Variants in UGGT2 observed in about 807,000 individuals in gnomAD.
The protein encoded by UGGT2 is UDP-glucose glycoprotein glucosyltransferase 2.
In UGGT2, 180 loss-of-function variants were observed where a neutral mutation model predicts 192.1. The ratio of observed to expected loss-of-function variants is 0.94; its 90% CI spans 0.83 to 1.06. The LOEUF (loss-of-function observed/expected upper bound fraction) is 1.06, where lower values mean the gene tolerates loss of function less well. UGGT2 is among the 50% of genes least tolerant of loss of function. UGGT2 has a pLI of 0.00. For synonymous variants in UGGT2, 580 were observed against 591.0 expected (o/e 0.98, Z 0.27); for missense variants, 1,849 against 1,795.7 (o/e 1.03, Z -0.54).
At chr13:95,939,035 C>T (rs112913962) in intron 16 of UGGT2, among the ~76,000 whole-genome samples, 11 of 152,094 alleles carry the variant, frequency 7.2e-5, no homozygotes, top group African/African-American at 2.7e-4. Flanking sequence ...TCACTGTTGC[C>T]AAGAGCTTCT....
chr13:96,018,229 A>G (rs572400817), intron 4 of UGGT2, among the ~76,000 whole-genome samples: 57 of 152,318 alleles, frequency 3.7e-4, no homozygotes, highest in African/African-American at 1.4e-3. Context: ...GAAAATGTGA[A>G]TGAAGATCAG....
intron 5 of UGGT2, among the ~76,000 whole-genome samples, chr13:96,004,874 G>A (rs2139034230): frequency 6.6e-6 from 1 of 151,988 alleles, no homozygotes; most frequent in African/African-American, 2.4e-5. Context: ...TTTCTTCAGT[G>A]GACAGATATC....
At chr13:95,843,323 G>T (rs1321903075) in intron 36 of UGGT2, among the ~76,000 whole-genome samples, 1 of 152,134 alleles carries the variant, frequency 6.6e-6, no homozygotes, top group Non-Finnish European at 1.5e-5. Context: ...TCTAATTGGT[G>T]TGTATTCACC....
intron 10 of UGGT2, among the ~76,000 whole-genome samples, chr13:95,981,654 G>A (rs540880851): frequency 6.6e-6 from 1 of 152,216 alleles, no homozygotes; most frequent in South Asian, 2.1e-4. Flanking sequence ...TTTTTTCGGT[G>A]AACATTTTGT....
chr13:96,047,796 T>C (rs1456878545), intron 1 of UGGT2, among the ~76,000 whole-genome samples: 1 of 152,096 alleles, frequency 6.6e-6, no homozygotes, highest in East Asian at 1.9e-4. Context: ...CTATCCTAAA[T>C]ACATATGCAC....
At chr13:96,038,198 T>C (rs1429865285) in intron 1 of UGGT2, among the ~76,000 whole-genome samples, 1 of 152,210 alleles carries the variant, frequency 6.6e-6, no homozygotes, top group Non-Finnish European at 1.5e-5. Context: ...AAAAGTACCT[T>C]TTGTTGAATT....
chr13:95,969,585 C>T (rs1311813238), intron 12 of UGGT2, among the ~76,000 whole-genome samples: 1 of 152,120 alleles, frequency 6.6e-6, no homozygotes, highest in Non-Finnish European at 1.5e-5. Context: ...GTGAAAAGAA[C>T]GTTTCACAGT....
chr13:95,869,426 C>T (rs566251649), intron 29 of UGGT2, among the ~76,000 whole-genome samples: 16 of 152,046 alleles, frequency 1.1e-4, no homozygotes, highest in Admixed American at 2.6e-4. Flanking sequence ...CTGGGTCAAA[C>T]GGTATTTCTA....
intron 20 of UGGT2, among the ~76,000 whole-genome samples, chr13:95,908,979 T>C (rs1283558754): frequency 1.1e-4 from 17 of 148,384 alleles, no homozygotes; most frequent in African/African-American, 3.7e-4. Flanking sequence ...ATTTTGGCTT[T>C]TGTTGCCATT....
At chr13:95,829,349 G>A (rs1886412279) in intron 38 of UGGT2, among the ~76,000 whole-genome samples, 1 of 152,114 alleles carries the variant, frequency 6.6e-6, no homozygotes, top group Admixed American at 6.6e-5. Context: ...GAAATAAAGG[G>A]TATTCAATTA....
In UGGT2 at chr13:95,863,728, CA is replaced by C. The variant is rs1594178887; in HGVS notation, c.3559-15del. The C allele has an allele frequency of 1.3e-6, 2 of 1,596,918 alleles. No individual in the cohort carries two copies. Among genetic ancestry groups the C allele is most frequent in the Non-Finnish European group, 1.7e-6 (2 of 1,166,312 alleles). The stretch of plus-strand genomic sequence containing the variant: ...TTCTTTTTTCACCTAGATAGCATGG[CA>C]AAAAAGATTAGAATTTGGCTGCTTT... On this transcript the variant is annotated splice_polypyrimidine_tract_variant and intron_variant, in intron 30 of 38. Transcript: ENST00000376747.
At chr13:95,938,911 A>G (rs997484662) in intron 16 of UGGT2, among the ~76,000 whole-genome samples, 4 of 152,154 alleles carry the variant, frequency 2.6e-5, no homozygotes, top group Non-Finnish European at 5.9e-5. Context: ...TTCCTAATAC[A>G]TATCACCACA....
chr13:96,005,343 G>GT (rs2051939076), intron 5 of UGGT2, among the ~76,000 whole-genome samples: 1 of 152,156 alleles, frequency 6.6e-6, no homozygotes, highest in South Asian at 2.1e-4. Context: ...GTGGGCTAAC[G>GT]TGAGAGTGTG....
intron 20 of UGGT2, among the ~76,000 whole-genome samples, chr13:95,913,092 A>G (rs913873835): frequency 1.3e-5 from 2 of 152,230 alleles, no homozygotes; most frequent in African/African-American, 4.8e-5. Context: ...TTAATTCAAG[A>G]TGGATTAGAG....
chr13:95,842,001 T>C (rs938848220), intron 36 of UGGT2, among the ~76,000 whole-genome samples: 2 of 152,238 alleles, frequency 1.3e-5, no homozygotes, highest in African/African-American at 2.4e-5. Context: ...AGTAGAGGCA[T>C]AGGCTTATTT....
intron 1 of UGGT2, among the ~76,000 whole-genome samples, chr13:96,048,383 G>C (rs987304181): frequency 6.6e-6 from 1 of 152,094 alleles, no homozygotes; most frequent in Non-Finnish European, 1.5e-5. Context: ...GAGAAAGCAG[G>C]AAAGATCTAA....
At chr13:95,811,324 C>T (rs918713068) in intron 38 of UGGT2, among the ~76,000 whole-genome samples, 8 of 152,160 alleles carry the variant, frequency 5.3e-5, no homozygotes, top group Non-Finnish European at 8.8e-5. Flanking sequence ...TATATTTTAA[C>T]AGCATAATGC....
chr13:96,026,772 C>A (rs865977388), intron 2 of UGGT2, among the ~76,000 whole-genome samples: 31 of 151,372 alleles, frequency 2.0e-4, no homozygotes, highest in African/African-American at 6.8e-4. Flanking sequence ...CCCAGGTTCA[C>A]GCCATTCTCC....
intron 1 of UGGT2, among the ~76,000 whole-genome samples, chr13:96,050,855 G>A (rs1011875367): frequency 1.3e-5 from 2 of 152,196 alleles, no homozygotes; most frequent in African/African-American, 4.8e-5. Flanking sequence ...AGGATGTGGA[G>A]AAATAGGGAC....
Sources: allele counts gnomAD v4.1 joint callset (sites outside exome capture counted in the v4.1 genomes callset), GRCh38; gene constraint gnomAD v4.1.1; transcripts MANE v1.5; gene names NCBI Gene and HGNC (gene_info 2026-07-23, HGNC 2026-07-21).